The following STAU2 variants were observed in gnomAD, a reference collection of about 807,000 sequenced individuals.
STAU2 encodes the protein double-stranded RNA-binding protein Staufen homolog 2.
Under a neutral mutation model 65.9 loss-of-function variants are expected in STAU2, and 20 were observed. That is an observed-to-expected ratio of 0.30 (90% confidence interval 0.21 to 0.44). STAU2 has a LOEUF of 0.44. Among genes scored for constraint, STAU2 ranks in the 20% least tolerant of loss-of-function variants. The probability of loss-of-function intolerance (pLI) is 1.00; values close to 1 mark genes in which losing one functional copy is unlikely to be tolerated. For synonymous variants in STAU2, 232 were observed against 233.9 expected (o/e 0.99, Z 0.07); for missense variants, 558 against 683.9 (o/e 0.82, Z 2.05).
At chr8:73,463,275 G>C (rs186216647) in intron 13 of STAU2, among the ~76,000 whole-genome samples, 1 of 152,270 alleles carries the variant, frequency 6.6e-6, no homozygotes, top group East Asian at 1.9e-4. Context: ...GACTTTTGCT[G>C]GTCTATTTTT....
At chr8:73,444,831 C>G (rs1818382959) in intron 13 of STAU2, among the ~76,000 whole-genome samples, 1 of 152,206 alleles carries the variant, frequency 6.6e-6, no homozygotes, top group African/African-American at 2.4e-5. Context: ...TTTCTCCCCT[C>G]CTCAAGATGG....
At chr8:73,568,688 C>T (rs117263635) in intron 12 of STAU2, among the ~76,000 whole-genome samples, 3,591 of 152,112 alleles carry the variant, frequency 0.024, 38 homozygotes, top group Middle Eastern at 0.037. Flanking sequence ...GGAATAATAC[C>T]AAATTCATAA....
chr8:73,721,287 CAAAAAAAAA>C (rs35721754), intron 3 of STAU2, among the ~76,000 whole-genome samples: 49 of 12,464 alleles, frequency 3.9e-3, no homozygotes, highest in East Asian at 0.019. Context: ...ACCCCACCTC[CAAAAAAAAA>C]AAAAAAAAAA....
intron 9 of STAU2, among the ~76,000 whole-genome samples, chr8:73,611,994 G>A (rs923360649): frequency 9.2e-5 from 14 of 152,032 alleles, no homozygotes; most frequent in African/African-American, 3.4e-4. Flanking sequence ...GGTTTGCCTG[G>A]TTTATTATTC....
intron 13 of STAU2, among the ~76,000 whole-genome samples, chr8:73,520,520 A>T (rs774016706): frequency 3.3e-5 from 5 of 152,200 alleles, no homozygotes; most frequent in Non-Finnish European, 7.3e-5. Flanking sequence ...TGATTCCTCA[A>T]CAACTACTTC....
At chr8:73,738,372 T>C in intron 2 of STAU2, 23 bp from the exon 3 acceptor site, 1 of 1,572,798 alleles carries the variant, frequency 6.4e-7, no homozygotes, top group Non-Finnish European at 8.6e-7. Flanking sequence ...AATGAAGAAA[T>C]AAAGTTCAAC....
At chr8:73,564,669 A>T (rs138230279) in intron 12 of STAU2, among the ~76,000 whole-genome samples, 25 of 149,328 alleles carry the variant, frequency 1.7e-4, no homozygotes, top group African/African-American at 5.4e-4. Flanking sequence ...AATGAAAGTT[A>T]AAAAAAAAAG....
At chr8:73,540,145 T>G (rs534521552) in intron 13 of STAU2, among the ~76,000 whole-genome samples, 3 of 152,336 alleles carry the variant, frequency 2.0e-5, no homozygotes, top group African/African-American at 7.2e-5. Context: ...TAACCTTATT[T>G]GAAAATAAAG....
chr8:73,505,037 T>C (rs976550537), intron 13 of STAU2, among the ~76,000 whole-genome samples: 2 of 152,128 alleles, frequency 1.3e-5, no homozygotes, highest in Non-Finnish European at 2.9e-5. Context: ...CAAATCTATA[T>C]CTTTATCCCT....
At chr8:73,528,789 A>G (rs192865209) in intron 13 of STAU2, among the ~76,000 whole-genome samples, 1 of 152,218 alleles carries the variant, frequency 6.6e-6, no homozygotes, top group Admixed American at 6.5e-5. Flanking sequence ...CTTGGTTTTT[A>G]TTGTATACCT....
At position 73,536,351 on chromosome 8, in the gene STAU2, G is replaced by A. The variant is rs574391119; in HGVS notation, c.1530+15661C>T. Among the ~76,000 whole-genome samples, 3 of 152,210 alleles carry A rather than the reference G, an allele frequency of 2.0e-5. No individual in the cohort carries two copies. In the East Asian group the frequency reaches 5.8e-4, roughly 29 times the overall value. On this transcript the variant is annotated intron_variant, in intron 13 of 14. Coordinates refer to ENST00000524300, the MANE Select transcript of STAU2 (RefSeq NM_001164380.2). ...CAATGGGTACAGGTGGGGAAAAAAA[G>A]CCCTAAGAAAGTCTGCTCTTTCTAA...
rs1816377899 is a variant in STAU2, at chr8:73,421,560, C to T, written c.1620-95G>A. 3 of 1,149,686 alleles carry T rather than the reference C, an allele frequency of 2.6e-6. No homozygotes were observed. In the South Asian group the frequency reaches 4.2e-5, roughly 16 times the overall value. The allele number at this position is 1,149,686 out of a possible 1,614,324, so 71.2% of individuals were successfully genotyped here. ...GATGGCACAGAGGATTCAAAGGTCA[C>T]CACAAAAGTGACATTTTAAAGTGAA... is the stretch of plus-strand genomic sequence containing the variant. On this transcript the variant is annotated intron_variant, in intron 14 of 14. Transcript: ENST00000524300.
rs948368896 is a variant in STAU2 at position 73,677,530 on chromosome 8, C to T, written c.275-4288G>A. On this transcript the variant is annotated intron_variant, in intron 5 of 14. Coordinates refer to ENST00000524300, the MANE Select transcript of STAU2 (RefSeq NM_001164380.2). ...CAATGAAATACTATACCATTAAATG[C>T]AACATAGATGACTCTCACACACAAT... Among the ~76,000 whole-genome samples the T allele has an allele frequency of 9.2e-5, 14 of 152,200 alleles. 1 individual carries two copies. In the East Asian group the frequency reaches 2.7e-3, roughly 29 times the overall value.
intron 13 of STAU2, among the ~76,000 whole-genome samples, chr8:73,438,156 C>T (rs1242092164): frequency 2.0e-5 from 3 of 152,176 alleles, no homozygotes; most frequent in African/African-American, 7.2e-5. Flanking sequence ...TCCCTCATAG[C>T]ACTTGTCTCA....
chr8:73,615,374 A>G (rs1472445468), intron 8 of STAU2, among the ~76,000 whole-genome samples: 1 of 152,182 alleles, frequency 6.6e-6, no homozygotes, highest in African/African-American at 2.4e-5. Context: ...ATCCTATTTA[A>G]AATGCCAAAT....
intron 1 of STAU2, among the ~76,000 whole-genome samples, chr8:73,740,942 T>C (rs538424546): frequency 5.2e-4 from 76 of 146,868 alleles, no homozygotes; most frequent in African/African-American, 1.1e-3. Flanking sequence ...GAGGCCAAGG[T>C]TGCAGTGAGC....
At chr8:73,577,652 T>C (rs1320035862) in intron 12 of STAU2, among the ~76,000 whole-genome samples, 1 of 152,172 alleles carries the variant, frequency 6.6e-6, no homozygotes, top group Non-Finnish European at 1.5e-5. Flanking sequence ...AAGCTCTGTA[T>C]ACTTATGGCT....
At chr8:73,506,062 T>C (rs768762549) in intron 13 of STAU2, among the ~76,000 whole-genome samples, 7 of 152,178 alleles carry the variant, frequency 4.6e-5, no homozygotes, top group Non-Finnish European at 1.0e-4. Flanking sequence ...GTGCCACCCT[T>C]GCTGTATAGC....
intron 1 of STAU2, among the ~76,000 whole-genome samples, chr8:73,740,386 AAAAAT>A (rs1367002552): frequency 2.6e-5 from 4 of 152,252 alleles, no homozygotes; most frequent in South Asian, 2.1e-4. Flanking sequence ...GGATAGGCAA[AAAAAT>A]AAAATAAAAT....
Sources: allele counts gnomAD v4.1 joint callset (sites outside exome capture counted in the v4.1 genomes callset), GRCh38; gene constraint gnomAD v4.1.1; transcripts MANE v1.5; gene names NCBI Gene and HGNC (gene_info 2026-07-23, HGNC 2026-07-21).